The following CHRM3 variants were observed in gnomAD, a reference collection of about 807,000 sequenced individuals.
CHRM3 encodes muscarinic acetylcholine receptor M3.
CHRM3 carries 11 observed loss-of-function variants against 41.8 expected under a neutral mutation model. That is an observed-to-expected ratio of 0.26 (90% CI 0.17 to 0.44). The LOEUF (loss-of-function observed/expected upper bound fraction) is 0.44. Ranked by LOEUF, CHRM3 falls within the 20% of genes least tolerant of loss-of-function variation. The probability of loss-of-function intolerance (pLI) is 1.00; values close to 1 mark genes in which losing one functional copy is unlikely to be tolerated. For missense variants in CHRM3, 571 were observed against 745.4 expected, an observed-to-expected ratio of 0.77 and a Z score of 2.72; for synonymous variants, 297 against 301.4, an observed-to-expected ratio of 0.99 and a Z score of 0.15.
intron 2 of CHRM3, among the ~76,000 whole-genome samples, chr1:239,514,822 C>G (rs1019771704): frequency 6.6e-6 from 1 of 152,066 alleles, no homozygotes; most frequent in African/African-American, 2.4e-5. Context: ...ATTCTGACTC[C>G]TGGCTGCCGA....
chr1:239,679,595 C>A (rs1391847070), intron 5 of CHRM3, among the ~76,000 whole-genome samples: 1 of 152,062 alleles, frequency 6.6e-6, no homozygotes, highest in East Asian at 1.9e-4. Flanking sequence ...CTAAGGTTTT[C>A]CAAAGAGTTC....
At chr1:239,494,570 T>C (rs971476156) in intron 2 of CHRM3, among the ~76,000 whole-genome samples, 1 of 152,164 alleles carries the variant, frequency 6.6e-6, no homozygotes, top group African/African-American at 2.4e-5. Context: ...TGTTCCAGAA[T>C]ACATGTGCAA....
rs765198413 is a variant in CHRM3 at position 239,908,257 on chromosome 1, A to G, written c.806A>G (p.Gln269Arg). The G allele has an allele frequency of 6.2e-7, 1 of 1,614,172 alleles. No homozygotes were observed. The highest frequency in any genetic ancestry group is 1.1e-5 in the South Asian group (1 of 91,080). Residue 269 changes from glutamine to arginine, a missense_variant, in exon 7 of 7, where the codon CAA becomes CGA. Transcript: ENST00000676153. This position sits in a 1 kb window ranked among gnomAD's most constrained non-coding sequence, Gnocchi z 7.2. ...EKRTKELAGL[Q>R]ASGTEAETEN... ...CGTACCAAAGAGCTTGCTGGCCTGC[A>G]AGCCTCTGGGACAGAGGCAGAGACA...
intron 6 of CHRM3, among the ~76,000 whole-genome samples, chr1:239,859,986 C>G (rs1675504204): frequency 6.6e-6 from 1 of 151,966 alleles, no homozygotes; most frequent in South Asian, 2.1e-4. Context: ...ACTCTGAAAC[C>G]AAGCCTCCAA....
chr1:239,610,825 G>A lies in CHRM3; in HGVS notation c.-312-21399G>A, dbSNP rs1239856080. Among the ~76,000 whole-genome samples, 3 of 152,150 alleles carry A rather than the reference G, an allele frequency of 2.0e-5. No homozygotes were observed. In the East Asian group the frequency reaches 5.8e-4, roughly 29 times the overall value. On this transcript the variant is annotated intron_variant, in intron 3 of 6. Coordinates refer to ENST00000676153, the MANE Select transcript of CHRM3 (RefSeq NM_001375978.1). ...TCCCAGCACTTTGGGAGGCTGAGGG[G>A]GGCGGATCATGAGGTCAAGAGATTG...
At chr1:239,882,727 A>G (rs1324927500) in intron 6 of CHRM3, among the ~76,000 whole-genome samples, 4 of 152,234 alleles carry the variant, frequency 2.6e-5, no homozygotes, top group African/African-American at 9.6e-5. Flanking sequence ...TGCAATGGAC[A>G]TATCTTTAGA....
intron 5 of CHRM3, among the ~76,000 whole-genome samples, chr1:239,761,169 T>C (rs2148654914): frequency 6.6e-6 from 1 of 152,346 alleles, no homozygotes; most frequent in East Asian, 1.9e-4. Context: ...AAATATGCTA[T>C]TAATCCAAGA....
intron 3 of CHRM3, among the ~76,000 whole-genome samples, chr1:239,621,496 C>T (rs953946623): frequency 6.6e-6 from 1 of 152,042 alleles, no homozygotes; most frequent in Non-Finnish European, 1.5e-5. Flanking sequence ...GTTGTGAATG[C>T]AAAGGAAAAG....
chr1:239,760,853 T>G (rs1666703642), intron 5 of CHRM3, among the ~76,000 whole-genome samples: 1 of 152,236 alleles, frequency 6.6e-6, no homozygotes, highest in African/African-American at 2.4e-5. Context: ...GTCGTTTTCC[T>G]CATGTTTCTT....
intron 5 of CHRM3, among the ~76,000 whole-genome samples, chr1:239,802,833 A>G (rs1045455550): frequency 6.6e-6 from 1 of 152,162 alleles, no homozygotes; most frequent in African/African-American, 2.4e-5. Flanking sequence ...CCTGGGCTCA[A>G]GTGATCTGCT....
In CHRM3 at chr1:239,895,190, G is replaced by A. The variant is rs148949234; in HGVS notation, c.-19-12243G>A. Among the ~76,000 whole-genome samples, 1,040 of 152,318 alleles carry A rather than the reference G, an allele frequency of 6.8e-3. 13 individuals are homozygous for A. Among genetic ancestry groups the A allele is most frequent in the African/African-American group, 0.023 (959 of 41,576 alleles). ...AGTTCCACGACAACTGCCCACGTATGTAGGGATGCCCCTTCTCCTGGCTGT... is the reference window on the plus strand; with the variant it reads ...AGTTCCACGACAACTGCCCACGTATATAGGGATGCCCCTTCTCCTGGCTGT... On this transcript the variant is annotated intron_variant, in intron 6 of 6. Transcript: ENST00000676153.
intron 5 of CHRM3, among the ~76,000 whole-genome samples, chr1:239,819,872 A>G (rs548491559): frequency 1.3e-5 from 2 of 152,236 alleles, no homozygotes; most frequent in African/African-American, 4.8e-5. Context: ...TTGCCATGGA[A>G]TTCCGTACTT....
chr1:239,867,912 A>T (rs1197326230), intron 6 of CHRM3, among the ~76,000 whole-genome samples: 11 of 152,016 alleles, frequency 7.2e-5, no homozygotes, highest in African/African-American at 2.4e-5. Context: ...CAGGCACCAG[A>T]TTTCTCCTGA....
chr1:239,648,331 G>A (rs1671922501), intron 4 of CHRM3, among the ~76,000 whole-genome samples: 1 of 152,148 alleles, frequency 6.6e-6, no homozygotes, highest in African/African-American at 2.4e-5. Flanking sequence ...GAGAGCCACT[G>A]ACTTGAGGTT....
chr1:239,423,732 A>C (rs981440452), intron 1 of CHRM3, among the ~76,000 whole-genome samples: 1 of 152,178 alleles, frequency 6.6e-6, no homozygotes, highest in Non-Finnish European at 1.5e-5. Context: ...AAAGAAATAC[A>C]TATTATTATC....
intron 4 of CHRM3, among the ~76,000 whole-genome samples, chr1:239,662,893 CTCTTCT>C (rs67465048): frequency 0.1 from 4,805 of 46,368 alleles, 139 homozygotes; most frequent in Non-Finnish European, 0.14. Flanking sequence ...CTTCCTCCTC[CTCTTCT>C]TCTTCTTCTT....
chr1:239,574,164 C>A (rs2148551367), intron 3 of CHRM3, among the ~76,000 whole-genome samples: 1 of 152,254 alleles, frequency 6.6e-6, no homozygotes, highest in South Asian at 2.1e-4. Flanking sequence ...TGAGTTTATT[C>A]TCAGCTGAGC....
chr1:239,457,395 C>A (rs1558237875), intron 1 of CHRM3, among the ~76,000 whole-genome samples: 1 of 151,982 alleles, frequency 6.6e-6, no homozygotes. Flanking sequence ...AGTTTACACT[C>A]CAGAAAAAAA....
chr1:239,908,611 A>G lies in CHRM3; in HGVS notation c.1160A>G (p.Asp387Gly), dbSNP rs1558232893. Reference protein sequence around the residue: ...ILNSTKLPSSDNLQVPEEELG... With the variant: ...ILNSTKLPSSGNLQVPEEELG... ...AACTCCACCAAGTTACCCTCATCGG[A>G]CAACCTGCAGGTGCCTGAGGAGGAG... Residue 387 changes from aspartate to glycine, a missense_variant, in exon 7 of 7, where the codon GAC (aspartate) becomes GGC (glycine). Asp to Gly is a moderately conservative substitution (Grantham distance 94). This residue lies in a region of CHRM3 where 239 missense variants were observed against 239.6 expected (regional missense o/e 1.00). Coordinates refer to ENST00000676153, the MANE Select transcript of CHRM3 (RefSeq NM_001375978.1). This position sits in a 1 kb window ranked among gnomAD's most constrained non-coding sequence, Gnocchi z 7.2. The G allele has an allele frequency of 6.2e-7, 1 of 1,607,190 alleles. No individual in the cohort carries two copies. The highest frequency in any genetic ancestry group is 8.5e-7 in the Non-Finnish European group (1 of 1,176,826).
Sources: gnomAD v4.1 joint callset for allele counts (sites outside exome capture counted in the v4.1 genomes callset) on GRCh38, gnomAD v4.1.1 for gene constraint, gnomAD v4.1.1 regional missense constraint, Gnocchi (gnomAD v3.1) non-coding constraint, MANE v1.5 for transcripts, NCBI Gene and HGNC (gene_info 2026-07-23, HGNC 2026-07-21) for gene names.